Variants in NEK11 observed in about 807,000 individuals in gnomAD.
NEK11 encodes the protein serine/threonine-protein kinase Nek11.
In NEK11, 72 loss-of-function variants were observed where a neutral mutation model predicts 80.7. That is an observed-to-expected ratio of 0.89 (90% CI 0.74 to 1.08). The LOEUF is 1.08. Among genes scored for constraint, NEK11 ranks in the 50% least tolerant of loss-of-function variants. The probability of loss-of-function intolerance (pLI) is 0.00; values close to 1 mark genes in which losing one functional copy is unlikely to be tolerated. For missense variants in NEK11, 764 were observed against 763.6 expected (o/e 1.00, Z -0.01); for synonymous variants, 251 against 260.7 (o/e 0.96, Z 0.36).
chr3:131,189,024 G>C (rs1329192352), intron 14 of NEK11, among the ~76,000 whole-genome samples: 2 of 152,242 alleles, frequency 1.3e-5, no homozygotes, highest in East Asian at 3.9e-4. Flanking sequence ...AACAGATAGA[G>C]AGATATATTA....
chr3:131,330,463 G>A (rs143482880), intron 17 of NEK11: 1,737 of 152,338 alleles, frequency 0.011, 18 homozygotes, highest in Admixed American at 0.021. Context: ...CACCTTGGGA[G>A]AGAATGTGGA....
intron 4 of NEK11, among the ~76,000 whole-genome samples, chr3:131,101,627 A>G (rs2078377808): frequency 6.6e-6 from 1 of 152,188 alleles, no homozygotes; most frequent in Admixed American, 6.5e-5. Context: ...GAATTTATTG[A>G]GACTTGCTTT....
chr3:131,063,083 G>T (rs1257582163), intron 3 of NEK11, among the ~76,000 whole-genome samples: 1 of 152,188 alleles, frequency 6.6e-6, no homozygotes, highest in Non-Finnish European at 1.5e-5. Flanking sequence ...AGAGTGCAGT[G>T]GCACAATCAC....
chr3:131,284,473 C>G (rs76779578), intron 17 of NEK11, among the ~76,000 whole-genome samples: 1 of 152,116 alleles, frequency 6.6e-6, no homozygotes, highest in African/African-American at 2.4e-5. Flanking sequence ...AAAATCTAGG[C>G]TTTTAATTCA....
chr3:131,273,403 T>C, intron 16 of NEK11, 75 bp from the exon 17 acceptor site: 1 of 1,105,144 alleles, frequency 9.0e-7, no homozygotes, highest in South Asian at 1.3e-5. Context: ...TTCTGTTTTC[T>C]GATTGCCCTT....
At chr3:131,202,410 A>G (rs954435656) in intron 14 of NEK11, among the ~76,000 whole-genome samples, 3 of 152,098 alleles carry the variant, frequency 2.0e-5, no homozygotes, top group Non-Finnish European at 4.4e-5. Context: ...CACTTTTACA[A>G]TGGTCTTAGC....
intron 4 of NEK11, among the ~76,000 whole-genome samples, chr3:131,098,288 A>C (rs2077774332): frequency 6.6e-6 from 1 of 152,236 alleles, no homozygotes; most frequent in Non-Finnish European, 1.5e-5. Context: ...TGGCAGCAAA[A>C]GCCAAAATTG....
chr3:131,170,646 C>T (rs181911583), intron 13 of NEK11, 127 bp from the exon 14 acceptor site: 97 of 656,820 alleles, frequency 1.5e-4, no homozygotes, highest in Middle Eastern at 1.3e-3. Context: ...AGTTTGAAAA[C>T]GTTTAAGGGA....
intron 4 of NEK11, among the ~76,000 whole-genome samples, chr3:131,099,415 T>A (rs1431867073): frequency 1.3e-5 from 2 of 152,212 alleles, no homozygotes; most frequent in Non-Finnish European, 2.9e-5. Flanking sequence ...GCCTCCAGCT[T>A]TGTTCTTTTC....
At chr3:131,050,400 G>C (rs1002285868) in intron 3 of NEK11, among the ~76,000 whole-genome samples, 3 of 152,096 alleles carry the variant, frequency 2.0e-5, no homozygotes, top group Admixed American at 2.0e-4. Flanking sequence ...TGGTCGTGCT[G>C]CACGGTTCAT....
intron 4 of NEK11, among the ~76,000 whole-genome samples, chr3:131,096,984 T>G (rs2077539227): frequency 6.7e-6 from 1 of 149,496 alleles, no homozygotes; most frequent in African/African-American, 2.5e-5. Context: ...GAACATGCGG[T>G]GTTTGGTGTT....
At chr3:131,347,258 G>A (rs1011125309) in intron 17 of NEK11, among the ~76,000 whole-genome samples, 1 of 152,174 alleles carries the variant, frequency 6.6e-6, no homozygotes, top group Non-Finnish European at 1.5e-5. Context: ...GAAAGGCTAC[G>A]AAAAACCTGC....
chr3:131,036,113 G>T (rs1328432398), intron 3 of NEK11, among the ~76,000 whole-genome samples: 1 of 152,192 alleles, frequency 6.6e-6, no homozygotes, highest in African/African-American at 2.4e-5. Flanking sequence ...CATGGCATTG[G>T]TCCTAGTCAT....
intron 3 of NEK11, among the ~76,000 whole-genome samples, chr3:131,065,312 A>G (rs1305267531): frequency 6.6e-6 from 1 of 152,350 alleles, no homozygotes; most frequent in East Asian, 1.9e-4. Context: ...AAACATTCCT[A>G]GCACATTTTC....
intron 17 of NEK11, among the ~76,000 whole-genome samples, chr3:131,312,513 A>G (rs1035312818): frequency 2.0e-5 from 3 of 152,146 alleles, no homozygotes; most frequent in Non-Finnish European, 2.9e-5. Context: ...CAATTTATGT[A>G]TAGTGTGGGT....
chr3:131,204,327 C>T (rs570527900), intron 14 of NEK11, among the ~76,000 whole-genome samples: 1 of 152,244 alleles, frequency 6.6e-6, no homozygotes, highest in East Asian at 1.9e-4. Context: ...CAGTGTTTCC[C>T]TGAGTTCTGT....
chr3:131,152,538 G>A lies in NEK11; in HGVS notation c.797+1G>A. The A allele has an allele frequency of 4.3e-6, 7 of 1,612,320 alleles. No individual in the cohort carries two copies. Among genetic ancestry groups the A allele is most frequent in the African/African-American group, 1.3e-5 (1 of 74,876 alleles). On this transcript the variant is annotated splice_donor_variant, in intron 8 of 17. Transcript: ENST00000383366. LOFTEE classifies it high-confidence loss of function. ...AAGAACTAAATGCCATCATGGAAAG[G>A]TATAGAAATAAACATGTTGTCACAG...
At position 131,162,453 on chromosome 3, in the gene NEK11, A is replaced by G. The variant is rs745515777; in HGVS notation, c.1008A>G (p.Val336=). Residue 336 remains valine, a synonymous_variant, in exon 11 of 18, where the codon GTA becomes GTG. Transcript: ENST00000383366. The part of the protein sequence containing the change: ...HLQTLRALSE[V]QKMTPRERMR... The stretch of plus-strand genomic sequence containing the variant: ...AGACTCTGAGGGCACTGTCAGAAGT[A>G]CAGAAAATGACGCCAAGAGAAAGGA... The G allele has an allele frequency of 1.9e-6, 3 of 1,614,138 alleles. No homozygotes were observed. In the Admixed American group the frequency reaches 5.0e-5, roughly 27 times the overall value.
chr3:131,254,801 C>G (rs1166547155), intron 16 of NEK11, among the ~76,000 whole-genome samples: 1 of 152,080 alleles, frequency 6.6e-6, no homozygotes, highest in Non-Finnish European at 1.5e-5. Context: ...GGGTGGATCA[C>G]CTGAGGTCAG....
Sources: gnomAD v4.1 joint callset for allele counts (sites outside exome capture counted in the v4.1 genomes callset) on GRCh38, gnomAD v4.1.1 for gene constraint, MANE v1.5 for transcripts, NCBI Gene and HGNC (gene_info 2026-07-23, HGNC 2026-07-21) for gene names.